The following RYR1 variants were observed in gnomAD, a reference collection of about 807,000 sequenced individuals.
RYR1 encodes ryanodine receptor 1.
Under a neutral mutation model 583.5 loss-of-function variants are expected in RYR1, and 342 were observed. That is an observed-to-expected ratio of 0.59 (90% confidence interval 0.54 to 0.64). The LOEUF (loss-of-function observed/expected upper bound fraction) is 0.64. RYR1 is among the 30% of genes least tolerant of loss of function. RYR1 has a pLI of 0.00. For missense variants in RYR1, 6,032 were observed against 6,917.2 expected, an observed-to-expected ratio of 0.87 and a Z score of 4.54; for synonymous variants, 2,791 against 2,822.5, an observed-to-expected ratio of 0.99 and a Z score of 0.35.
intron 2 of RYR1, among the ~76,000 whole-genome samples, chr19:38,441,959 CATCTG>C (rs1972708343): frequency 6.6e-6 from 1 of 151,394 alleles, no homozygotes; most frequent in African/African-American, 2.4e-5. Context: ...GATGTGGGGT[CATCTG>C]CAGAGGAGGA....
rs149132589 is a variant in RYR1 at position 38,521,121 on chromosome 19, AAAG to A, written c.10259+1670_10259+1672del. ...TAGACCCTGTCTCTACAAAAAAAGA[AAAG>A]AAATACAAAAATTAGTCAGGCATGG... On this transcript the variant is annotated intron_variant, in intron 67 of 105. Transcript: ENST00000359596. 3.6e-4 allele frequency among the ~76,000 whole-genome samples: 54 copies of A among 152,052 alleles called. No individual in the cohort carries two copies. The East Asian group carries it at 0.01, about 29-fold the overall frequency.
Position 38,490,189 on chromosome 19 carries a change from C to CT in RYR1, c.5929dup (p.Tyr1977LeufsTer42). 1 of 1,614,234 alleles carries CT rather than the reference C, an allele frequency of 6.2e-7. No individual in the cohort carries two copies. The highest frequency in any genetic ancestry group is 8.5e-7 in the Non-Finnish European group (1 of 1,180,042). ...AGCTCCAGGCCAACCAGCGGAGCCG[C>CT]TATGGCCTCCTCATAAAAGCCTTCA... On this transcript the variant is annotated frameshift_variant, in exon 36 of 106. Coordinates refer to ENST00000359596, the MANE Select transcript of RYR1 (RefSeq NM_000540.3). LOFTEE classifies it high-confidence loss of function.
intron 11 of RYR1, among the ~76,000 whole-genome samples, chr19:38,451,238 G>A (rs924474494): frequency 3.3e-5 from 5 of 152,362 alleles, no homozygotes; most frequent in East Asian, 1.9e-4. Context: ...GTGGGGACAC[G>A]TGAGCATCAT....
intron 99 of RYR1, 58 bp from the exon 100 acceptor site, chr19:38,579,924 A>G: frequency 6.2e-7 from 1 of 1,612,098 alleles, no homozygotes; most frequent in Admixed American, 1.7e-5. Context: ...CCTACCCTCC[A>G]GAGTGCTCCT....
At chr19:38,515,531 G>A (rs921829786) in intron 64 of RYR1, among the ~76,000 whole-genome samples, 6 of 152,188 alleles carry the variant, frequency 3.9e-5, no homozygotes, top group Admixed American at 3.3e-4. Flanking sequence ...GTGCGCGGTG[G>A]CTCACACCTG....
rs145757821 is a variant in RYR1 at position 38,546,313 on chromosome 19, A to T, written c.12013-132A>T. On this transcript the variant is annotated intron_variant, in intron 87 of 105. Transcript: ENST00000359596. The stretch of plus-strand genomic sequence containing the variant: ...CCCTGCTTCCGAGGAACATGTCTGG[A>T]CTCGGGTCCCCTCGGAGGTAAGAGG... The T allele has an allele frequency of 1.3e-3, 976 of 731,716 alleles. 12 individuals carry two copies. In the African/African-American group the frequency reaches 0.015, roughly 11 times the overall value. 45.3% of individuals were successfully genotyped at this position (731,716 alleles called of 1,614,324 possible). A position where few individuals can be genotyped will look rare whatever the true frequency, so the allele number is the denominator to read the frequency against.
chr19:38,473,262 T>TGCATAGTGCA (rs1968523809), intron 27 of RYR1, 115 bp from the exon 28 acceptor site: 2 of 1,321,942 alleles, frequency 1.5e-6, no homozygotes, highest in Admixed American at 3.4e-5. Flanking sequence ...CCTTGACTAA[T>TGCATAGTGCA]TCCCATGCAG....
Position 38,469,601 on chromosome 19 carries a change from C to G in RYR1, c.3765+88C>G, listed in dbSNP as rs559651464. The G allele has an allele frequency of 2.4e-5, 32 of 1,345,638 alleles. No individual in the cohort carries two copies. In the East Asian group the frequency reaches 5.9e-4, roughly 25 times the overall value. 83.4% of individuals were successfully genotyped at this position (1,345,638 alleles called of 1,614,324 possible). A position where few individuals can be genotyped will look rare whatever the true frequency, so the allele number is the denominator to read the frequency against. On this transcript the variant is annotated intron_variant, in intron 27 of 105. Coordinates refer to ENST00000359596, the MANE Select transcript of RYR1 (RefSeq NM_000540.3). ...TCTTCTTTGAGTTTCTCTTTTCCCTCCATGTTAGGACACAAACCACATGGA... is the reference window on the plus strand; with the variant it reads ...TCTTCTTTGAGTTTCTCTTTTCCCTGCATGTTAGGACACAAACCACATGGA...
intron 7 of RYR1, among the ~76,000 whole-genome samples, chr19:38,445,717 G>A (rs1376723091): frequency 1.3e-5 from 2 of 152,144 alleles, no homozygotes; most frequent in South Asian, 2.1e-4. Flanking sequence ...GGCCAAGCGC[G>A]GTGGCTCACG....
chr19:38,482,483 T>C (rs1969058857), intron 31 of RYR1, among the ~76,000 whole-genome samples: 1 of 152,018 alleles, frequency 6.6e-6, no homozygotes, highest in Non-Finnish European at 1.5e-5. Context: ...TAGGGTCTTG[T>C]TCTGTCACCC....
At chr19:38,577,176 G>A (rs114763132) in intron 97 of RYR1, among the ~76,000 whole-genome samples, 5,256 of 152,032 alleles carry the variant, frequency 0.035, 180 homozygotes, top group East Asian at 0.1. Context: ...ACGAGCCACC[G>A]CGCCCAGCCG....
Position 38,458,139 on chromosome 19 carries a change from C to T in RYR1, c.2014C>T (p.Pro672Ser), listed in dbSNP as rs772135697. The T allele has an allele frequency of 8.7e-6, 14 of 1,614,028 alleles. No homozygotes were observed. The South Asian group carries it at 1.5e-4, about 18-fold the overall frequency. Residue 672 changes from proline (P) to serine (S), a missense_variant, in exon 18 of 106, where the codon CCA (proline) becomes TCA (serine). Pro to Ser is a moderately conservative substitution (Grantham distance 74, BLOSUM62 -1). Around this residue, in one of 11 missense-constraint regions of RYR1, gnomAD observed 2,627 missense variants for 2,961.3 expected, o/e 0.89. Coordinates refer to ENST00000359596, the MANE Select transcript of RYR1 (RefSeq NM_000540.3). ...YFEVMVDEVTPFLTAQATHLR... is the reference protein window; with the variant it reads ...YFEVMVDEVTSFLTAQATHLR... ...TGAGGTGATGGTGGACGAGGTGACT[C>T]CATTTCTGACAGCTCAGGCCACCCA...
At chr19:38,580,593 C>T (rs539663706) in intron 101 of RYR1, 89 bp downstream of exon 101, 1 of 1,531,402 alleles carries the variant, frequency 6.5e-7, no homozygotes, top group African/African-American at 1.4e-5. Flanking sequence ...GGCGTGGTGC[C>T]TCCAGCCTGC....
intron 89 of RYR1, among the ~76,000 whole-genome samples, chr19:38,559,955 A>C (rs1023803938): frequency 5.3e-5 from 8 of 151,868 alleles, no homozygotes; most frequent in African/African-American, 1.9e-4. Context: ...ACATTGTAAA[A>C]TGTATTCTTA....
chr19:38,548,500 C>A, intron 89 of RYR1, 80 bp downstream of exon 89: 1 of 1,364,998 alleles, frequency 7.3e-7, no homozygotes, highest in Non-Finnish European at 1.0e-6. Context: ...CTGGCTGCCT[C>A]AGGCAAGAGA....
Position 38,466,416 on chromosome 19 carries a change from G to T in RYR1, c.3178+18G>T, listed in dbSNP as rs1568462251. On this transcript the variant is annotated intron_variant, in intron 24 of 105. Transcript: ENST00000359596. ...GGAGCCCAGTGAGTGCTCACCCCTG[G>T]CCCTGGCCCTGACTCCTACCCCAAC... 3 of 1,540,584 alleles carry T rather than the reference G, an allele frequency of 1.9e-6. No individual in the cohort carries two copies. The Admixed American group carries it at 5.9e-5, about 30-fold the overall frequency.
chr19:38,433,964 T>C (rs2081435997), intron 1 of RYR1, 90 bp downstream of exon 1: 1 of 1,168,534 alleles, frequency 8.6e-7, no homozygotes, highest in African/African-American at 1.5e-5. Context: ...TCCGGCTTGC[T>C]GGTGGTCTCT....
At chr19:38,585,265 A>G (rs1974422895) in intron 102 of RYR1, among the ~76,000 whole-genome samples, 166 bp downstream of exon 102, 1 of 151,694 alleles carries the variant, frequency 6.6e-6, no homozygotes. Flanking sequence ...TCCATCTGCA[A>G]AACGAGGGTG....
intron 42 of RYR1, among the ~76,000 whole-genome samples, chr19:38,497,905 G>A (rs112801907): frequency 0.019 from 2,964 of 152,116 alleles, 39 homozygotes; most frequent in Non-Finnish European, 0.028. Flanking sequence ...AGCCTGCGAG[G>A]CTGAGGCTGC....
Sources: allele counts gnomAD v4.1 joint callset (sites outside exome capture counted in the v4.1 genomes callset), GRCh38; gene constraint gnomAD v4.1.1; regional missense constraint gnomAD v4.1.1; transcripts MANE v1.5; gene names NCBI Gene and HGNC (gene_info 2026-07-23, HGNC 2026-07-21).